Variants in UBASH3B observed in about 807,000 individuals in gnomAD.
UBASH3B encodes ubiquitin-associated and SH3 domain-containing protein B.
Under a neutral mutation model 83.4 loss-of-function variants are expected in UBASH3B, and 37 were observed. The observed-to-expected ratio is 0.44, with a 90% CI of 0.34 to 0.58. The LOEUF (loss-of-function observed/expected upper bound fraction) is 0.58. UBASH3B is among the 20% of genes least tolerant of loss of function. The pLI is 0.01. For synonymous variants in UBASH3B, 304 were observed against 318.3 expected, an observed-to-expected ratio of 0.96 and a Z score of 0.48; for missense variants, 657 against 827.2, an observed-to-expected ratio of 0.79 and a Z score of 2.52.
At chr11:122,791,375 C>T (rs1299661672) in intron 6 of UBASH3B, among the ~76,000 whole-genome samples, 1 of 152,178 alleles carries the variant, frequency 6.6e-6, no homozygotes, top group African/African-American at 2.4e-5. Context: ...ATTGCACTTA[C>T]CTCATAAGGT....
chr11:122,760,969 C>T (rs1385041707), intron 1 of UBASH3B, among the ~76,000 whole-genome samples: 1 of 152,176 alleles, frequency 6.6e-6, no homozygotes, highest in Non-Finnish European at 1.5e-5. Flanking sequence ...ATTTCGGTCT[C>T]CCTGGATAAC....
intron 1 of UBASH3B, among the ~76,000 whole-genome samples, chr11:122,740,137 T>C (rs1223911355): frequency 6.6e-6 from 1 of 152,122 alleles, no homozygotes; most frequent in Non-Finnish European, 1.5e-5. Flanking sequence ...AGAGGAATAA[T>C]ATTCAGTTCT....
In UBASH3B at chr11:122,812,886, C is replaced by A. The variant is rs1037162117; in HGVS notation, c.*3000C>A. 2.0e-5 allele frequency: 3 copies of A among 152,420 alleles called. No homozygotes were observed. Among genetic ancestry groups the A allele is most frequent in the African/African-American group, 7.2e-5 (3 of 41,442 alleles). 9.4% of individuals were successfully genotyped at this position (152,420 alleles called of 1,614,324 possible). A position where few individuals can be genotyped will look rare whatever the true frequency, so the allele number is the denominator to read the frequency against. ...ATTGGTAGCTAGGAGCTTATTGCTT[C>A]ACCCCAGTATGGAGTTCAGATTACA... On this transcript the variant is annotated 3_prime_UTR_variant, in exon 14 of 14. Coordinates refer to ENST00000284273, the MANE Select transcript of UBASH3B (RefSeq NM_032873.5).
At chr11:122,714,368 G>C (rs1864239647) in intron 1 of UBASH3B, among the ~76,000 whole-genome samples, 1 of 152,212 alleles carries the variant, frequency 6.6e-6, no homozygotes, top group South Asian at 2.1e-4. Flanking sequence ...CGGCCTTCCT[G>C]AAATTGCTAC....
chr11:122,779,534 T>A lies in UBASH3B; in HGVS notation c.440T>A (p.Leu147Gln). The A allele has an allele frequency of 6.2e-7, 1 of 1,614,106 alleles. No homozygotes were observed. The highest frequency in any genetic ancestry group is 8.5e-7 in the Non-Finnish European group (1 of 1,179,992). The stretch of plus-strand genomic sequence containing the variant: ...AAGGTGGATGCCCTGGGGGAAGCCC[T>A]GCAGACCACGGTCAGTCGCTGGAAA... ...DSKVDALGEA[L>Q]QTTVSRWKCK... The change falls in exon 4 of 14, where the codon CTG becomes CAG. Residue 147 changes from leucine (L) to glutamine (Q), a missense_variant. By Grantham distance (113) the Leu-to-Gln change is moderately radical. Transcript: ENST00000284273.
chr11:122,801,160 T>C (rs1861251902), intron 10 of UBASH3B, 28 bp from the exon 11 acceptor site: 1 of 1,609,160 alleles, frequency 6.2e-7, no homozygotes, highest in African/African-American at 1.3e-5. Flanking sequence ...AGGCACTTTC[T>C]TCATCTTCAC....
At chr11:122,735,607 C>A (rs906129603) in intron 1 of UBASH3B, among the ~76,000 whole-genome samples, 2 of 152,206 alleles carry the variant, frequency 1.3e-5, no homozygotes, top group Non-Finnish European at 2.9e-5. Flanking sequence ...GTGGGAAATG[C>A]CCAGAGAGTT....
At chr11:122,809,701 A>G (rs751802774) in intron 13 of UBASH3B, 48 bp from the exon 14 acceptor site, 1 of 1,606,870 alleles carries the variant, frequency 6.2e-7, no homozygotes, top group South Asian at 1.1e-5. Flanking sequence ...AAGTTAAAGC[A>G]TTAAACCTAT....
chr11:122,801,844 T>G (rs1026515063), intron 11 of UBASH3B, among the ~76,000 whole-genome samples: 1 of 152,214 alleles, frequency 6.6e-6, no homozygotes, highest in African/African-American at 2.4e-5. Context: ...TGACCACACA[T>G]AACAATAATA....
intron 1 of UBASH3B, among the ~76,000 whole-genome samples, chr11:122,734,730 C>A (rs999600433): frequency 4.6e-5 from 7 of 151,830 alleles, no homozygotes; most frequent in African/African-American, 1.7e-4. Context: ...ATCATTTTCC[C>A]CCCTCATCAG....
chr11:122,722,591 A>G (rs1945395), intron 1 of UBASH3B, among the ~76,000 whole-genome samples: 147,574 of 152,320 alleles, frequency 0.97, 71,626 homozygotes, highest in Middle Eastern at 1. Flanking sequence ...GCTTGGTAGA[A>G]AATTGGGCTT....
intron 11 of UBASH3B, among the ~76,000 whole-genome samples, chr11:122,804,746 C>T (rs11218825): frequency 0.21 from 31,391 of 152,076 alleles, 3,802 homozygotes; most frequent in African/African-American, 0.32. Flanking sequence ...GATCAAGAGG[C>T]CATGTGAATT....
chr11:122,785,386 T>A (rs1860929554), intron 5 of UBASH3B, among the ~76,000 whole-genome samples: 1 of 152,162 alleles, frequency 6.6e-6, no homozygotes, highest in Non-Finnish European at 1.5e-5. Flanking sequence ...GAGGCAGTTT[T>A]GATTGATTGT....
rs1861462781 is a variant in UBASH3B, at chr11:122,812,273, T to G, written c.*2387T>G. Reference sequence around the variant, plus strand: ...CATTATTTCAAATTGCTTGTCAAAATGGCCCAAAAGATCTGAATTCACATT... The same window carrying G: ...CATTATTTCAAATTGCTTGTCAAAAGGGCCCAAAAGATCTGAATTCACATT... On this transcript the variant is annotated 3_prime_UTR_variant, in exon 14 of 14. Coordinates refer to ENST00000284273, the MANE Select transcript of UBASH3B (RefSeq NM_032873.5). 1 of 152,246 alleles carries G rather than the reference T, an allele frequency of 6.6e-6. No homozygotes were observed. Among genetic ancestry groups the G allele is most frequent in the Non-Finnish European group, 1.5e-5 (1 of 68,024 alleles). The allele number at this position is 152,246 out of a possible 1,614,324, so 9.4% of individuals were successfully genotyped here. A position where few individuals can be genotyped will look rare whatever the true frequency, so the allele number is the denominator to read the frequency against.
At chr11:122,707,365 T>A (rs2135933747) in intron 1 of UBASH3B, among the ~76,000 whole-genome samples, 1 of 152,174 alleles carries the variant, frequency 6.6e-6, no homozygotes, top group African/African-American at 2.4e-5. Context: ...AACGTGTGCC[T>A]TCTCTGCGTG....
At chr11:122,687,168 C>A (rs1863820160) in intron 1 of UBASH3B, among the ~76,000 whole-genome samples, 1 of 152,066 alleles carries the variant, frequency 6.6e-6, no homozygotes, top group African/African-American at 2.4e-5. Flanking sequence ...CGCACCTGGG[C>A]AAATGAGGCT....
Position 122,806,516 on chromosome 11 carries a change from G to A in UBASH3B, c.1702G>A (p.Gly568Arg), listed in dbSNP as rs1861342430. The change falls in exon 12 of 14, where the codon GGA becomes AGA. Residue 568 changes from glycine (G) to arginine (R), a missense_variant and splice_region_variant. Gly to Arg is a moderately radical substitution (Grantham distance 125). This residue lies in a region of UBASH3B where 573 missense variants were observed against 739.0 expected (regional missense o/e 0.78). Coordinates refer to ENST00000284273, the MANE Select transcript of UBASH3B (RefSeq NM_032873.5). The surrounding 1 kb of genome is among the most constrained non-coding windows in gnomAD (Gnocchi z 4.0). ...AATAATAAGTGAATGTAAAAGTAAA[G>A]GTAAGTGGTATTATTCTGAACTCCA... ...KEIISECKSKGNNILIVAHAS... is the reference protein window; with the variant it reads ...KEIISECKSKRNNILIVAHAS... The A allele has an allele frequency of 5.6e-6, 9 of 1,600,124 alleles. No individual in the cohort carries two copies. The highest frequency in any genetic ancestry group is 7.7e-6 in the Non-Finnish European group (9 of 1,174,988).
chr11:122,802,313 G>GAAAAAA (rs147011358), intron 11 of UBASH3B, among the ~76,000 whole-genome samples: 1 of 66,216 alleles, frequency 1.5e-5, no homozygotes, highest in African/African-American at 5.2e-5. Flanking sequence ...GACTCTGTCT[G>GAAAAAA]AAAAAAAAAA....
At chr11:122,732,037 C>T (rs1251613918) in intron 1 of UBASH3B, among the ~76,000 whole-genome samples, 3 of 152,170 alleles carry the variant, frequency 2.0e-5, no homozygotes, top group East Asian at 3.8e-4. Flanking sequence ...ATTAGGAACA[C>T]AAATGATGAG....
Sources: allele counts gnomAD v4.1 joint callset (sites outside exome capture counted in the v4.1 genomes callset), GRCh38; gene constraint gnomAD v4.1.1; regional missense constraint gnomAD v4.1.1; non-coding constraint Gnocchi (gnomAD v3.1); transcripts MANE v1.5; gene names NCBI Gene and HGNC (gene_info 2026-07-23, HGNC 2026-07-21).